Variants in POTEE observed in about 807,000 individuals in gnomAD.
POTEE encodes the protein ANKRD26-like family C member 1A.
POTEE carries 21 observed loss-of-function variants against 74.2 expected under a neutral mutation model. That is an observed-to-expected ratio of 0.28 (90% CI 0.20 to 0.41). The LOEUF (loss-of-function observed/expected upper bound fraction) is 0.41. Ranked by LOEUF, POTEE falls within the 10% of genes least tolerant of loss-of-function variation. POTEE has a pLI of 1.00. For missense variants in POTEE, 525 were observed against 1,158.6 expected (o/e 0.45, Z 7.94); for synonymous variants, 211 against 432.8 (o/e 0.49, Z 6.36).
At chr2:131,227,113 ATCTTC>A (rs1217603017) in intron 7 of POTEE, among the ~76,000 whole-genome samples, 184 bp downstream of exon 7, 2 of 146,846 alleles carry the variant, frequency 1.4e-5, no homozygotes, top group Non-Finnish European at 2.9e-5. Context: ...AGTAGGATTC[ATCTTC>A]TCTTATTATA....
intron 6 of POTEE, among the ~76,000 whole-genome samples, chr2:131,225,691 T>TG (rs1233901071): frequency 6.1e-5 from 9 of 148,736 alleles, no homozygotes; most frequent in African/African-American, 2.2e-4. Context: ...CCTCAGTTTT[T>TG]TTTTTTTTTT....
intron 2 of POTEE, among the ~76,000 whole-genome samples, chr2:131,216,413 A>G (rs951767713): frequency 1.3e-5 from 2 of 152,350 alleles, no homozygotes; most frequent in Non-Finnish European, 2.9e-5. Context: ...ACCTGGAGGC[A>G]TCAGACTACC....
chr2:131,229,097 G>A (rs1028607384), intron 8 of POTEE, among the ~76,000 whole-genome samples: 1 of 151,302 alleles, frequency 6.6e-6, no homozygotes, highest in Non-Finnish European at 1.5e-5. Flanking sequence ...CACACAAAGT[G>A]ACCAAATTGA....
At chr2:131,225,462 T>A (rs1289261710) in intron 6 of POTEE, among the ~76,000 whole-genome samples, 1 of 146,938 alleles carries the variant, frequency 6.8e-6, no homozygotes, top group African/African-American at 2.5e-5. Context: ...AATACTTAAA[T>A]GTAATATGTA....
At chr2:131,256,855 T>C (rs1701588673) in intron 16 of POTEE, among the ~76,000 whole-genome samples, 2 of 152,300 alleles carry the variant, frequency 1.3e-5, no homozygotes, top group South Asian at 4.1e-4. Context: ...TAGGATTGTA[T>C]CATCAGGACG....
At chr2:131,229,847 A>C (rs62177523) in intron 8 of POTEE, 1 of 151,446 alleles carries the variant, frequency 6.6e-6, no homozygotes, top group Non-Finnish European at 1.5e-5. Flanking sequence ...AAGATGGTCT[A>C]TGAGATGACT....
At chr2:131,225,346 C>G (rs1265094131) in intron 6 of POTEE, among the ~76,000 whole-genome samples, 3 of 152,214 alleles carry the variant, frequency 2.0e-5, no homozygotes, top group African/African-American at 7.2e-5. Context: ...GAGTTCGAGT[C>G]TAGCCTGGTC....
At position 131,226,861 on chromosome 2, in the gene POTEE, A is replaced by G. The variant is rs1700796867; in HGVS notation, c.849A>G (p.Gln283=). Residue 283 remains glutamine (Q), a synonymous_variant, in exon 7 of 18, where the codon CAA becomes CAG. Transcript: ENST00000683005. ...CACTGTTACTTGGTGTACATGAGCA[A>G]AAACAGCAAGTCGTGAAATTTTTAA... ...LTPLLLGVHE[Q]KQQVVKFLIK... The G allele has an allele frequency of 6.2e-7, 1 of 1,611,710 alleles. No homozygotes were observed. Among genetic ancestry groups the G allele is most frequent in the Admixed American group, 1.7e-5 (1 of 60,004 alleles).
chr2:131,232,834 C>T (rs1176539626), intron 9 of POTEE, among the ~76,000 whole-genome samples: 5 of 151,818 alleles, frequency 3.3e-5, no homozygotes, highest in Non-Finnish European at 4.4e-5. Context: ...CTTGTTCTCA[C>T]AACACAACAT....
rs1700921889 is a variant in POTEE, at chr2:131,230,584, C to G, written c.1056-252C>G. Among the ~76,000 whole-genome samples, 4 of 152,244 alleles carry G rather than the reference C, an allele frequency of 2.6e-5. No homozygotes were observed. The South Asian group carries it at 8.3e-4, about 32-fold the overall frequency. On this transcript the variant is annotated intron_variant, in intron 8 of 17. Transcript: ENST00000683005. ...AGAGTTGGGACACTTTCTATTATGT[C>G]ATGCTAATGCTAGCTAATTTACTGG...
At chr2:131,226,438 A>T (rs1297367524) in intron 6 of POTEE, among the ~76,000 whole-genome samples, 1 of 132,370 alleles carries the variant, frequency 7.6e-6, no homozygotes, top group African/African-American at 3.0e-5. Flanking sequence ...TTCTTGCTTT[A>T]TACACAATTT....
In POTEE at chr2:131,209,612, G is replaced by T. The variant is rs1368596617; in HGVS notation, c.-552G>T. Reference sequence around the variant, plus strand: ...TTTCTGGCTGGAGCCTCGGACACTGGCTCACTGCAGTTGGTGGTGTCCACA... The same window carrying T: ...TTTCTGGCTGGAGCCTCGGACACTGTCTCACTGCAGTTGGTGGTGTCCACA... On this transcript the variant is annotated 5_prime_UTR_variant, in exon 1 of 18. Coordinates refer to ENST00000683005, the MANE Select transcript of POTEE (RefSeq NM_001083538.3). 1.3e-5 allele frequency among the ~76,000 whole-genome samples: 2 copies of T among 152,192 alleles called. No homozygotes were observed. Among genetic ancestry groups the T allele is most frequent in the Admixed American group, 6.5e-5 (1 of 15,282 alleles).
chr2:131,262,915 CT>C lies in POTEE; in HGVS notation c.1900-439del, dbSNP rs1490410229. ...TGCTTCTGTCCAAATATATGCATAG[CT>C]AAGGCTCTTAGGATGGTGTGGTTGA... is the stretch of plus-strand genomic sequence containing the variant. On this transcript the variant is annotated intron_variant, in intron 17 of 17. Coordinates refer to ENST00000683005, the MANE Select transcript of POTEE (RefSeq NM_001083538.3). Among the ~76,000 whole-genome samples the C allele has an allele frequency of 3.9e-5, 6 of 152,190 alleles. No individual in the cohort carries two copies. In the East Asian group the frequency reaches 1.2e-3, roughly 29 times the overall value.
Position 131,210,173 on chromosome 2 carries a change from G to C in POTEE, c.-345+354G>C, listed in dbSNP as rs190415491. Among the ~76,000 whole-genome samples the C allele has an allele frequency of 7.4e-3, 996 of 133,834 alleles. 3 individuals are homozygous for C. Among genetic ancestry groups the C allele is most frequent in the African/African-American group, 0.029 (924 of 32,060 alleles). 87.8% of individuals were successfully genotyped at this position (133,834 alleles called of 152,430 possible). On this transcript the variant is annotated intron_variant, in intron 1 of 17. Coordinates refer to ENST00000683005, the MANE Select transcript of POTEE (RefSeq NM_001083538.3). ...CGGGGGGTGGTTTAGGAGTGTTGTC[G>C]GGTGCTGCACTGCCCTTACTCAGGG...
chr2:131,262,682 T>TTTA (rs1244829315), intron 17 of POTEE, among the ~76,000 whole-genome samples: 33 of 151,956 alleles, frequency 2.2e-4, no homozygotes, highest in African/African-American at 8.0e-4. Flanking sequence ...GACCTCTCCT[T>TTTA]TTAAGAATCG....
Position 131,209,777 on chromosome 2 carries a change from G to C in POTEE, c.-387G>C, listed in dbSNP as rs138080487. On this transcript the variant is annotated 5_prime_UTR_variant, in exon 1 of 18. Transcript: ENST00000683005. ...CTTGCTGTGTTTGGTGGTGACGTGG[G>C]ACACTGCAGCTCGGCCAGAGTGGTA... Among the ~76,000 whole-genome samples, 1 of 152,128 alleles carries C rather than the reference G, an allele frequency of 6.6e-6. No homozygotes were observed. Among genetic ancestry groups the C allele is most frequent in the African/African-American group, 2.4e-5 (1 of 41,388 alleles).
At chr2:131,214,699 A>G (rs1342220499) in intron 2 of POTEE, among the ~76,000 whole-genome samples, 5 of 152,286 alleles carry the variant, frequency 3.3e-5, no homozygotes, top group Non-Finnish European at 7.3e-5. Context: ...TCAGTGGTAA[A>G]ATAAAAATAT....
intron 6 of POTEE, among the ~76,000 whole-genome samples, chr2:131,224,413 T>G (rs2105077722): frequency 6.8e-6 from 1 of 146,618 alleles, no homozygotes; most frequent in South Asian, 2.3e-4. Context: ...GTTAAACATG[T>G]TTCAGTGAAT....
Position 131,263,966 on chromosome 2 carries a change from G to T in POTEE, c.2511G>T (p.Gln837His). 1.9e-6 allele frequency: 3 copies of T among 1,614,192 alleles called. No homozygotes were observed. The highest frequency in any genetic ancestry group is 2.2e-5 in the South Asian group (2 of 91,076). Residue 837 changes from glutamine (Q) to histidine (H), a missense_variant, in exon 18 of 18, where the codon CAG becomes CAT. Transcript: ENST00000683005. ...CCCCAGCCATGTACGTGGCCATCCA[G>T]GCCGTGCCGTCCCTGTACACCTCTG... Reference protein sequence around the residue: ...FNTPAMYVAIQAVPSLYTSGR... With the variant: ...FNTPAMYVAIHAVPSLYTSGR...
Sources: gnomAD v4.1 joint callset for allele counts (sites outside exome capture counted in the v4.1 genomes callset) on GRCh38, gnomAD v4.1.1 for gene constraint, MANE v1.5 for transcripts, NCBI Gene and HGNC (gene_info 2026-07-23, HGNC 2026-07-21) for gene names.